TEAD4: variants seen among roughly 807,000 people sequenced by gnomAD.
TEAD4 encodes TEA domain transcription factor 4, also known as transcriptional enhancer factor TEF-3.
In TEAD4, 36 loss-of-function variants were observed where a neutral mutation model predicts 52.4. The ratio of observed to expected loss-of-function variants is 0.69; its 90% CI spans 0.53 to 0.91. The LOEUF is 0.91. Among genes scored for constraint, TEAD4 ranks in the 40% least tolerant of loss-of-function variants. TEAD4 has a pLI of 0.00. For synonymous variants in TEAD4, 220 were observed against 231.0 expected, an observed-to-expected ratio of 0.95 and a Z score of 0.43; for missense variants, 508 against 583.9, an observed-to-expected ratio of 0.87 and a Z score of 1.34.
chr12:3,037,670 A>G (rs2098280231), intron 10 of TEAD4, among the ~76,000 whole-genome samples: 2 of 152,232 alleles, frequency 1.3e-5, no homozygotes, highest in Non-Finnish European at 2.9e-5. Context: ...TTGAAATCTT[A>G]AAGATGGAAT....
At chr12:3,001,977 A>T (rs1221923372) in intron 3 of TEAD4, among the ~76,000 whole-genome samples, 2 of 152,092 alleles carry the variant, frequency 1.3e-5, no homozygotes, top group Non-Finnish European at 2.9e-5. Context: ...ACCTGTAATT[A>T]GCTACTCGGG....
At chr12:2,973,071 T>C (rs1018544191) in intron 2 of TEAD4, among the ~76,000 whole-genome samples, 1 of 151,678 alleles carries the variant, frequency 6.6e-6, no homozygotes, top group African/African-American at 2.4e-5. Flanking sequence ...CTTTCAAGAA[T>C]GTCTCACAAA....
chr12:3,009,980 C>T lies in TEAD4; in HGVS notation c.227-1024C>T, dbSNP rs1297632368. On this transcript the variant is annotated intron_variant, in intron 3 of 12. Transcript: ENST00000359864. Reference sequence around the variant, plus strand: ...CCCTCACCTCCCCGGGCATCAGCAGCTGCCTCCCACGGACAGCCGCAAGCC... The same window carrying T: ...CCCTCACCTCCCCGGGCATCAGCAGTTGCCTCCCACGGACAGCCGCAAGCC... Among the ~76,000 whole-genome samples, 7 of 152,340 alleles carry T rather than the reference C, an allele frequency of 4.6e-5. No individual in the cohort carries two copies. In the East Asian group the frequency reaches 1.2e-3, roughly 25 times the overall value.
At chr12:3,017,121 C>T (rs1313518005) in intron 5 of TEAD4, 12 of 586,226 alleles carry the variant, frequency 2.0e-5, no homozygotes, top group Non-Finnish European at 2.9e-5. Context: ...AAGGTGGCCC[C>T]GTAATTAATA....
intron 3 of TEAD4, among the ~76,000 whole-genome samples, chr12:3,008,997 C>T (rs902823352): frequency 1.3e-5 from 2 of 152,156 alleles, no homozygotes; most frequent in Non-Finnish European, 2.9e-5. Flanking sequence ...TTACTTGGGC[C>T]TAGAGCATGT....
chr12:3,011,251 A>AGT (rs1329915703), intron 4 of TEAD4, among the ~76,000 whole-genome samples, 183 bp downstream of exon 4: 3 of 151,376 alleles, frequency 2.0e-5, no homozygotes, highest in African/African-American at 7.3e-5. Flanking sequence ...TTTTTCTGAG[A>AGT]CGGGGTTTCA....
intron 8 of TEAD4, among the ~76,000 whole-genome samples, chr12:3,019,948 T>A (rs529771299): frequency 1.3e-5 from 2 of 152,338 alleles, no homozygotes; most frequent in Non-Finnish European, 2.9e-5. Flanking sequence ...GCCTGCTGGC[T>A]TTTGCCTGCG....
At chr12:2,976,094 C>T (rs1416072346) in intron 2 of TEAD4, among the ~76,000 whole-genome samples, 3 of 151,948 alleles carry the variant, frequency 2.0e-5, no homozygotes, top group African/African-American at 7.2e-5. Context: ...CAACTTCTGC[C>T]TCCTGGGTTC....
At chr12:2,978,731 C>A (rs568307806) in intron 2 of TEAD4, among the ~76,000 whole-genome samples, 11 of 152,020 alleles carry the variant, frequency 7.2e-5, no homozygotes, top group Middle Eastern at 3.4e-3. Flanking sequence ...GAATGAAACT[C>A]CCCATTCCCC....
At chr12:3,029,236 T>TTTA (rs2098273955) in intron 10 of TEAD4, among the ~76,000 whole-genome samples, 1 of 98,572 alleles carries the variant, frequency 1.0e-5, no homozygotes, top group Non-Finnish European at 1.8e-5. Context: ...CTGGCCAATT[T>TTTA]TTTTTTTTTT....
At chr12:3,031,341 T>C (rs1281748892) in intron 10 of TEAD4, among the ~76,000 whole-genome samples, 3 of 152,206 alleles carry the variant, frequency 2.0e-5, no homozygotes, top group African/African-American at 4.8e-5. Flanking sequence ...GGGGATACAG[T>C]TGGGGTCAGA....
intron 2 of TEAD4, among the ~76,000 whole-genome samples, chr12:2,962,287 T>A (rs1453200127): frequency 1.2e-4 from 7 of 60,748 alleles, no homozygotes; most frequent in Non-Finnish European, 2.1e-4. Context: ...TATATATATT[T>A]ATTTATATAT....
At chr12:3,010,812 C>T (rs1268906389) in intron 3 of TEAD4, among the ~76,000 whole-genome samples, 192 bp from the exon 4 acceptor site, 1 of 152,214 alleles carries the variant, frequency 6.6e-6, no homozygotes, top group African/African-American at 2.4e-5. Flanking sequence ...ACAGTGAGGC[C>T]TTGTCTTCCT....
Position 3,038,035 on chromosome 12 carries a change from G to C in TEAD4, c.965G>C (p.Ser322Thr), listed in dbSNP as rs1441684016. Residue 322 changes from serine to threonine, a missense_variant, in exon 11 of 13, where the codon AGC becomes ACC. By Grantham distance (58) the Ser-to-Thr change is moderately conservative. Transcript: ENST00000359864. The stretch of plus-strand genomic sequence containing the variant: ...TATGGGGTCTCCAGCCAGTATGAGA[G>C]CCCCGAGAACATGATCATCACCTGC... The C allele has an allele frequency of 6.2e-7, 1 of 1,614,170 alleles. No individual in the cohort carries two copies. The highest frequency in any genetic ancestry group is 2.2e-5 in the East Asian group (1 of 44,886).
intron 2 of TEAD4, among the ~76,000 whole-genome samples, chr12:2,973,545 C>A (rs1367099678): frequency 6.6e-6 from 1 of 152,166 alleles, no homozygotes; most frequent in African/African-American, 2.4e-5. Flanking sequence ...TCTCACAGTG[C>A]AAGATGGGAC....
At chr12:3,016,515 G>A (rs2098264616) in intron 5 of TEAD4, among the ~76,000 whole-genome samples, 1 of 151,914 alleles carries the variant, frequency 6.6e-6, no homozygotes, top group Admixed American at 6.6e-5. Context: ...TGAGATGGGT[G>A]GATCATTTGA....
At chr12:2,970,139 AT>A (rs1158156904) in intron 2 of TEAD4, among the ~76,000 whole-genome samples, 1 of 152,252 alleles carries the variant, frequency 6.6e-6, no homozygotes, top group Non-Finnish European at 1.5e-5. Context: ...CAATATTATC[AT>A]TTTAACGTAA....
At chr12:2,962,656 G>A (rs994409773) in intron 2 of TEAD4, among the ~76,000 whole-genome samples, 4 of 152,026 alleles carry the variant, frequency 2.6e-5, no homozygotes, top group Non-Finnish European at 4.4e-5. Context: ...TTTTAGTAGA[G>A]GCGGGATTTC....
chr12:3,023,581 T>TGA (rs1565548425), intron 10 of TEAD4, among the ~76,000 whole-genome samples: 2 of 148,074 alleles, frequency 1.4e-5, no homozygotes, highest in Non-Finnish European at 3.0e-5. Flanking sequence ...AGGCCAGGAG[T>TGA]TCAAGAACAG....
Sources: gnomAD v4.1 joint callset for allele counts (sites outside exome capture counted in the v4.1 genomes callset) on GRCh38, gnomAD v4.1.1 for gene constraint, MANE v1.5 for transcripts, NCBI Gene and HGNC (gene_info 2026-07-23, HGNC 2026-07-21) for gene names.